Variants in CCND3 observed in about 807,000 individuals in gnomAD.
The protein encoded by CCND3 is cyclin D3.
Under a neutral mutation model 28.7 loss-of-function variants are expected in CCND3, and 9 were observed. That is an observed-to-expected ratio of 0.31 (90% CI 0.19 to 0.55). The LOEUF is 0.55. Ranked by LOEUF, CCND3 falls within the 20% of genes least tolerant of loss-of-function variation. The pLI, the probability that CCND3 is intolerant of heterozygous loss-of-function variation, is 0.93. For missense variants in CCND3, 315 were observed against 385.8 expected, an observed-to-expected ratio of 0.82 and a Z score of 1.54; for synonymous variants, 164 against 163.9, an observed-to-expected ratio of 1.00 and a Z score of 0.00.
intron 1 of CCND3, among the ~76,000 whole-genome samples, chr6:41,987,776 A>G (rs1762532306): frequency 6.6e-6 from 1 of 151,382 alleles, no homozygotes; most frequent in Non-Finnish European, 1.5e-5. Flanking sequence ...TGCTGGGATT[A>G]CAGGTGTGAG....
chr6:42,024,412 AAAT>A (rs1438430942), intron 1 of CCND3, among the ~76,000 whole-genome samples: 1 of 149,978 alleles, frequency 6.7e-6, no homozygotes, highest in Non-Finnish European at 1.5e-5. Flanking sequence ...CAAAAAAAAA[AAAT>A]AATAATAATT....
At chr6:41,940,897 C>T in intron 1 of CCND3, 1 of 1,499,680 alleles carries the variant, frequency 6.7e-7, no homozygotes, top group South Asian at 1.1e-5. Context: ...AAGGGTCACC[C>T]ATGGTAGCCA....
At chr6:41,995,160 T>C (rs975440736) in intron 1 of CCND3, among the ~76,000 whole-genome samples, 4 of 152,190 alleles carry the variant, frequency 2.6e-5, no homozygotes, top group Admixed American at 6.6e-5. Flanking sequence ...TGGTTATTTA[T>C]TATAGCAAAA....
chr6:42,025,342 A>T (rs2127434501), intron 1 of CCND3, among the ~76,000 whole-genome samples: 1 of 152,302 alleles, frequency 6.6e-6, no homozygotes, highest in South Asian at 2.1e-4. Flanking sequence ...CTCCACAGAG[A>T]TTTCCAATTG....
intron 1 of CCND3, among the ~76,000 whole-genome samples, chr6:42,015,261 C>T (rs1763464909): frequency 6.6e-6 from 1 of 152,064 alleles, no homozygotes; most frequent in Non-Finnish European, 1.5e-5. Context: ...CAAAGTAGCG[C>T]CACCCAAGGA....
At position 41,940,762 on chromosome 6, in the gene CCND3, C is replaced by A. The variant is rs560165519; in HGVS notation, c.199-177G>T. 7.8e-6 allele frequency: 6 copies of A among 768,276 alleles called. No homozygotes were observed. In the East Asian group the frequency reaches 1.3e-4, roughly 17 times the overall value. The allele number at this position is 768,276 out of a possible 1,614,324, so 47.6% of individuals were successfully genotyped here. A position where few individuals can be genotyped will look rare whatever the true frequency, so the allele number is the denominator to read the frequency against. On this transcript the variant is annotated intron_variant, in intron 1 of 4. Transcript: ENST00000372991. The stretch of plus-strand genomic sequence containing the variant: ...GCGCCCTCCCCAAGGTGACGCCCCC[C>A]ACTTCCTCTGCGCGGCCTCCTCCCC...
intron 1 of CCND3, among the ~76,000 whole-genome samples, chr6:41,965,054 G>A (rs1024400268): frequency 3.5e-5 from 4 of 115,248 alleles, no homozygotes; most frequent in African/African-American, 1.0e-4. Context: ...TCTATTTCAC[G>A]TTGCTTTTTT....
Position 41,941,653 on chromosome 6 carries a change from CG to C in CCND3, c.-5del. 1 of 1,434,222 alleles carries C rather than the reference CG, an allele frequency of 7.0e-7. No individual in the cohort carries two copies. The highest frequency in any genetic ancestry group is 9.1e-7 in the Non-Finnish European group (1 of 1,093,944). 88.8% of individuals were successfully genotyped at this position (1,434,222 alleles called of 1,614,324 possible). ...CTTCGCAACACAGCAGCTCCATACTCGGGCAGCGAACAGGCAGGGCGGGAGT... is the reference window on the plus strand; with the variant it reads ...CTTCGCAACACAGCAGCTCCATACTCGGCAGCGAACAGGCAGGGCGGGAGT... On this transcript the variant is annotated 5_prime_UTR_variant, in exon 1 of 5. Coordinates refer to ENST00000372991, the MANE Select transcript of CCND3 (RefSeq NM_001760.5). This position sits in a 1 kb window ranked among gnomAD's most constrained non-coding sequence, Gnocchi z 6.1.
chr6:41,954,210 C>T (rs570760190), intron 1 of CCND3, among the ~76,000 whole-genome samples: 4 of 134,980 alleles, frequency 3.0e-5, no homozygotes, highest in South Asian at 4.6e-4. Flanking sequence ...GAGATTGCAC[C>T]GCTGCACTCC....
upstream of CCND3, among the ~76,000 whole-genome samples, chr6:41,944,389 T>C (rs1288124259): frequency 6.6e-6 from 1 of 152,104 alleles, no homozygotes; most frequent in Non-Finnish European, 1.5e-5. Flanking sequence ...GTGGATTTTT[T>C]TTTTTTTAAC....
chr6:41,985,895 C>CT (rs1487051754), intron 1 of CCND3, among the ~76,000 whole-genome samples: 2 of 2,740 alleles, frequency 7.3e-4, no homozygotes, highest in Non-Finnish European at 0.091. Context: ...TCCCAAAGTG[C>CT]TGGGATTACA....
At chr6:41,987,501 CTCTCTCTCTCTCTCTCTGTGTGTG>C (rs1200309266) in intron 1 of CCND3, among the ~76,000 whole-genome samples, 58 of 84,698 alleles carry the variant, frequency 6.8e-4, no homozygotes, top group African/African-American at 2.2e-3. Flanking sequence ...CTCTCTCTCT[CTCTCTCTCTCTCTCTCTGTGTGTG>C]TGTGTGTGTG....
intron 1 of CCND3, among the ~76,000 whole-genome samples, chr6:41,962,568 C>T (rs1473906650): frequency 2.0e-5 from 3 of 152,082 alleles, no homozygotes; most frequent in Admixed American, 2.0e-4. Context: ...ACTGCACAAC[C>T]TAGCAAGACC....
chr6:42,019,640 A>G (rs1370830572), intron 1 of CCND3, among the ~76,000 whole-genome samples: 1 of 152,208 alleles, frequency 6.6e-6, no homozygotes, highest in Non-Finnish European at 1.5e-5. Context: ...AGGCACAGAA[A>G]AAAAGGTTCA....
chr6:41,953,769 C>T, intron 1 of CCND3, among the ~76,000 whole-genome samples: 1 of 151,986 alleles, frequency 6.6e-6, no homozygotes, highest in East Asian at 1.9e-4. Context: ...TGGGCACTTG[C>T]TGTAATTCTG....
intron 1 of CCND3, among the ~76,000 whole-genome samples, chr6:42,047,256 ACT>A (rs1229129083): frequency 6.6e-6 from 1 of 152,140 alleles, no homozygotes; most frequent in Non-Finnish European, 1.5e-5. Flanking sequence ...AGGGGAAGAA[ACT>A]CTGATTTGAT....
chr6:42,022,525 A>G (rs2127433580), intron 1 of CCND3, among the ~76,000 whole-genome samples: 1 of 152,364 alleles, frequency 6.6e-6, no homozygotes, highest in South Asian at 2.1e-4. Flanking sequence ...CCAGTGTGGT[A>G]CAGGCACATC....
chr6:41,944,453 T>C (rs1485738145), upstream of CCND3, among the ~76,000 whole-genome samples: 1 of 152,208 alleles, frequency 6.6e-6, no homozygotes, highest in Non-Finnish European at 1.5e-5. Flanking sequence ...TTTGTTTTTT[T>C]GACACAAAGT....
At chr6:41,971,731 G>A (rs1246635422) in intron 1 of CCND3, among the ~76,000 whole-genome samples, 1 of 150,662 alleles carries the variant, frequency 6.6e-6, no homozygotes, top group African/African-American at 2.4e-5. Context: ...ATAGAGACGG[G>A]GTTTCGCCGT....
Sources: allele counts gnomAD v4.1 joint callset (sites outside exome capture counted in the v4.1 genomes callset), GRCh38; gene constraint gnomAD v4.1.1; non-coding constraint Gnocchi (gnomAD v3.1); transcripts MANE v1.5; gene names NCBI Gene and HGNC (gene_info 2026-07-23, HGNC 2026-07-21).